KCNK1: variants seen among roughly 807,000 people sequenced by gnomAD.
The protein encoded by KCNK1 is potassium two pore domain channel subfamily K member 1.
Under a neutral mutation model 22.2 loss-of-function variants are expected in KCNK1, and 10 were observed. The ratio of observed to expected loss-of-function variants is 0.45; its 90% CI spans 0.28 to 0.76. The LOEUF (loss-of-function observed/expected upper bound fraction) is 0.76, where lower values mean the gene tolerates loss of function less well. KCNK1 is among the 30% of genes least tolerant of loss of function. The pLI, the probability that KCNK1 is intolerant of heterozygous loss-of-function variation, is 0.14. For synonymous variants in KCNK1, 200 were observed against 186.4 expected, an observed-to-expected ratio of 1.07 and a Z score of -0.60; for missense variants, 378 against 421.0, an observed-to-expected ratio of 0.90 and a Z score of 0.89.
chr1:233,666,196 G>A (rs1558120429), intron 1 of KCNK1, among the ~76,000 whole-genome samples: 1 of 152,202 alleles, frequency 6.6e-6, no homozygotes, highest in Non-Finnish European at 1.5e-5. Context: ...CTTGGGGAAA[G>A]TGAACTGAAG....
chr1:233,638,433 A>G (rs1160205277), intron 1 of KCNK1, among the ~76,000 whole-genome samples: 1 of 152,036 alleles, frequency 6.6e-6, no homozygotes, highest in East Asian at 1.9e-4. Context: ...AAAAAAAAAA[A>G]AGAATGAAAT....
chr1:233,632,742 C>A lies in KCNK1; in HGVS notation c.355+18216C>A, dbSNP rs114875053. Among the ~76,000 whole-genome samples the A allele has an allele frequency of 5.3e-3, 807 of 152,216 alleles. 3 individuals are homozygous for A. The highest frequency in any genetic ancestry group is 0.019 in the African/African-American group (771 of 41,538). ...GGTCCTGGCTTTTCTTCCTGAGGAT[C>A]GTGGGTTTGGGCCTCTTTTCAGAAG... On this transcript the variant is annotated intron_variant, in intron 1 of 2. Transcript: ENST00000366621.
At chr1:233,616,572 G>T (rs1042033008) in intron 1 of KCNK1, among the ~76,000 whole-genome samples, 1 of 152,140 alleles carries the variant, frequency 6.6e-6, no homozygotes, top group African/African-American at 2.4e-5. Flanking sequence ...ATCAGTGCAA[G>T]GGGCACTTAA....
At position 233,614,449 on chromosome 1, in the gene KCNK1, T is replaced by C; in HGVS notation, c.278T>C (p.Leu93Pro). 2.5e-6 allele frequency: 4 copies of C among 1,613,340 alleles called. No individual in the cohort carries two copies. The highest frequency in any genetic ancestry group is 2.5e-6 in the Non-Finnish European group (3 of 1,179,778). ...LEASNYGVSV[L>P]SNASGNWNWD... ...GCCAGCAACTACGGCGTGTCGGTGC[T>C]CAGCAACGCCTCGGGCAACTGGAAC... The change falls in exon 1 of 3, where the codon CTC becomes CCC. Residue 93 changes from leucine (L) to proline (P), a missense_variant. By Grantham distance (98) the Leu-to-Pro change is moderately conservative (BLOSUM62 -3). Coordinates refer to ENST00000366621, the MANE Select transcript of KCNK1 (RefSeq NM_002245.4).
chr1:233,644,336 T>C (rs921837255), intron 1 of KCNK1, among the ~76,000 whole-genome samples: 3 of 152,208 alleles, frequency 2.0e-5, no homozygotes, highest in African/African-American at 7.2e-5. Context: ...GGTCAGACCA[T>C]AGTACCTACT....
chr1:233,658,869 G>A (rs572015352), intron 1 of KCNK1, among the ~76,000 whole-genome samples: 2 of 152,312 alleles, frequency 1.3e-5, no homozygotes, highest in East Asian at 3.9e-4. Context: ...AGGAATTGAA[G>A]TTGCTCTGGG....
At chr1:233,634,318 CAAAAAAAA>C (rs57277108) in intron 1 of KCNK1, among the ~76,000 whole-genome samples, 1 of 140,498 alleles carries the variant, frequency 7.1e-6, no homozygotes, top group South Asian at 2.3e-4. Context: ...ACAACAACAA[CAAAAAAAA>C]AAAAAAAGAA....
intron 2 of KCNK1, among the ~76,000 whole-genome samples, chr1:233,668,531 C>A (rs1307667377): frequency 2.6e-5 from 4 of 152,168 alleles, no homozygotes; most frequent in Admixed American, 6.5e-5. Context: ...GGTGGCAAAA[C>A]CATAATCCAA....
At chr1:233,621,270 A>G (rs1571888322) in intron 1 of KCNK1, among the ~76,000 whole-genome samples, 1 of 152,250 alleles carries the variant, frequency 6.6e-6, no homozygotes. Flanking sequence ...CTCAGAAGAA[A>G]TGAAGCTTGC....
chr1:233,645,517 A>G (rs1475242858), intron 1 of KCNK1, among the ~76,000 whole-genome samples: 2 of 152,206 alleles, frequency 1.3e-5, no homozygotes, highest in Non-Finnish European at 2.9e-5. Context: ...CAAGCTAAGG[A>G]AGCCTGGAGC....
At chr1:233,664,228 A>G (rs1431854106) in intron 1 of KCNK1, among the ~76,000 whole-genome samples, 1 of 152,108 alleles carries the variant, frequency 6.6e-6, no homozygotes, top group Non-Finnish European at 1.5e-5. Flanking sequence ...TGCCTCGCTG[A>G]AGTTGTAGCT....
intron 1 of KCNK1, among the ~76,000 whole-genome samples, chr1:233,657,379 G>A (rs1299349177): frequency 6.6e-6 from 1 of 152,114 alleles, no homozygotes; most frequent in East Asian, 1.9e-4. Flanking sequence ...GTAAAAGCTG[G>A]ATATGTGGTT....
rs113702996 is a variant in KCNK1, at chr1:233,624,664, T to C, written c.355+10138T>C. 1.7e-3 allele frequency among the ~76,000 whole-genome samples: 261 copies of C among 152,330 alleles called. 3 individuals carry two copies. The highest frequency in any genetic ancestry group is 5.9e-3 in the African/African-American group (247 of 41,578). ...ACTTCTATTCAAGAGACCTTAGATATAACTTTATTCTCTTGATGAGGAAAC... is the reference window on the plus strand; with the variant it reads ...ACTTCTATTCAAGAGACCTTAGATACAACTTTATTCTCTTGATGAGGAAAC... On this transcript the variant is annotated intron_variant, in intron 1 of 2. Transcript: ENST00000366621.
rs1658612426 is a variant in KCNK1, at chr1:233,672,198, A to G, written c.*668A>G. On this transcript the variant is annotated 3_prime_UTR_variant, in exon 3 of 3. Transcript: ENST00000366621. ...TACTAAAGAATCCAGAGTTGCTACA[A>G]TAAAATAAGGGGAATAATAAACTTG... The G allele has an allele frequency of 6.6e-6, 1 of 152,592 alleles. No individual in the cohort carries two copies. The highest frequency in any genetic ancestry group is 1.5e-5 in the Non-Finnish European group (1 of 68,016). The allele number at this position is 152,592 out of a possible 1,614,324, so 9.5% of individuals were successfully genotyped here. A position where few individuals can be genotyped will look rare whatever the true frequency, so the allele number is the denominator to read the frequency against.
intron 1 of KCNK1, among the ~76,000 whole-genome samples, chr1:233,634,320 A>AC (rs1301328613): frequency 1.1e-3 from 3 of 2,832 alleles, no homozygotes; most frequent in African/African-American, 1.4e-3. Context: ...AACAACAACA[A>AC]AAAAAAAAAA....
At chr1:233,617,786 C>T (rs1207909048) in intron 1 of KCNK1, among the ~76,000 whole-genome samples, 1 of 152,104 alleles carries the variant, frequency 6.6e-6, no homozygotes. Context: ...TAAAAGTTAA[C>T]AAAATTAGCC....
At chr1:233,615,977 G>A (rs1657482545) in intron 1 of KCNK1, among the ~76,000 whole-genome samples, 1 of 152,188 alleles carries the variant, frequency 6.6e-6, no homozygotes, top group Non-Finnish European at 1.5e-5. Context: ...AGACAAGACA[G>A]ACCTGTTATC....
At position 233,671,657 on chromosome 1, in the gene KCNK1, C is replaced by A; in HGVS notation, c.*127C>A. 1 of 1,091,184 alleles carries A rather than the reference C, an allele frequency of 9.2e-7. No homozygotes were observed. The highest frequency in any genetic ancestry group is 1.6e-5 in the African/African-American group (1 of 63,414). 67.6% of individuals were successfully genotyped at this position (1,091,184 alleles called of 1,614,324 possible). ...CACTTTAAGAAATAGCTACTGTTTG[C>A]AATGTCTTATTAAAAAACAACAAAA... On this transcript the variant is annotated 3_prime_UTR_variant, in exon 3 of 3. Coordinates refer to ENST00000366621, the MANE Select transcript of KCNK1 (RefSeq NM_002245.4).
intron 1 of KCNK1, among the ~76,000 whole-genome samples, chr1:233,619,826 C>G: frequency 6.6e-6 from 1 of 150,974 alleles, no homozygotes; most frequent in Admixed American, 6.6e-5. Context: ...AGGAGAATTG[C>G]TTGAACCTGG....
Sources: allele counts gnomAD v4.1 joint callset (sites outside exome capture counted in the v4.1 genomes callset), GRCh38; gene constraint gnomAD v4.1.1; transcripts MANE v1.5; gene names NCBI Gene and HGNC (gene_info 2026-07-23, HGNC 2026-07-21).